B3GALT1: variants seen among roughly 807,000 people sequenced by gnomAD.
The protein encoded by B3GALT1 is beta-1,3-galactosyltransferase 1.
In B3GALT1, 10 loss-of-function variants were observed where a neutral mutation model predicts 23.2. The ratio of observed to expected loss-of-function variants is 0.43; its 90% CI spans 0.27 to 0.73. B3GALT1 has a LOEUF of 0.73. Among genes scored for constraint, B3GALT1 ranks in the 30% least tolerant of loss-of-function variants. B3GALT1 has a pLI of 0.21. For synonymous variants in B3GALT1, 156 were observed against 141.5 expected, an observed-to-expected ratio of 1.10 and a Z score of -0.73; for missense variants, 299 against 405.4, an observed-to-expected ratio of 0.74 and a Z score of 2.25.
In B3GALT1 at chr2:167,666,657, G is replaced by A. The variant is rs199752454; in HGVS notation, c.-352+19691G>A. 7.2e-5 allele frequency among the ~76,000 whole-genome samples: 11 copies of A among 152,152 alleles called. No homozygotes were observed. The East Asian group carries it at 9.6e-4, about 13-fold the overall frequency. On this transcript the variant is annotated intron_variant, in intron 3 of 4. Transcript: ENST00000392690. ...TCCTGTATTGGGTGCATATATATTT[G>A]GGATAGTTAGCTCTTCTTGTGGAAT...
chr2:167,400,166 C>CTGTGTGTG (rs149993955), intron 1 of B3GALT1, among the ~76,000 whole-genome samples: 14,150 of 145,656 alleles, frequency 0.097, 1,049 homozygotes, highest in African/African-American at 0.2. Context: ...ACATCTATGT[C>CTGTGTGTG]TGTGTGTGTG....
intron 1 of B3GALT1, among the ~76,000 whole-genome samples, chr2:167,316,191 C>G (rs1696715311): frequency 6.6e-6 from 1 of 150,604 alleles, no homozygotes; most frequent in African/African-American, 2.4e-5. Flanking sequence ...TTTTCTTTTT[C>G]CTTGGGAGGA....
chr2:167,598,765 G>A (rs550791027), intron 2 of B3GALT1, among the ~76,000 whole-genome samples: 5 of 152,152 alleles, frequency 3.3e-5, no homozygotes, highest in Admixed American at 1.3e-4. Context: ...ATATAATAGG[G>A]CTCTTTGCAA....
At chr2:167,837,665 C>T (rs1239530179) in intron 4 of B3GALT1, among the ~76,000 whole-genome samples, 96 of 149,776 alleles carry the variant, frequency 6.4e-4, no homozygotes, top group African/African-American at 2.2e-3. Flanking sequence ...CTCAGCTCTG[C>T]ACCAAGCGGA....
rs975731619 is a variant in B3GALT1 at position 167,852,804 on chromosome 2, A to G, written c.-229-16007A>G. Among the ~76,000 whole-genome samples, 4 of 152,222 alleles carry G rather than the reference A, an allele frequency of 2.6e-5. No homozygotes were observed. The East Asian group carries it at 7.7e-4, about 29-fold the overall frequency. On this transcript the variant is annotated intron_variant, in intron 4 of 4. Coordinates refer to ENST00000392690, the MANE Select transcript of B3GALT1 (RefSeq NM_020981.4). ...TATCTCAGCAAAGGACTCTTGTTGA[A>G]GCTAATACTGGATGACGAATTACTG... is the stretch of plus-strand genomic sequence containing the variant.
intron 3 of B3GALT1, among the ~76,000 whole-genome samples, chr2:167,711,698 C>G (rs1687050326): frequency 6.6e-6 from 1 of 152,118 alleles, no homozygotes; most frequent in African/African-American, 2.4e-5. Context: ...GGAGTGGTGA[C>G]TCATGCATGT....
At chr2:167,575,354 TTTGCTA>T (rs1398407822) in intron 2 of B3GALT1, among the ~76,000 whole-genome samples, 1 of 151,808 alleles carries the variant, frequency 6.6e-6, no homozygotes, top group African/African-American at 2.4e-5. Flanking sequence ...AGCCTACCAA[TTTGCTA>T]TAGAACTCTA....
chr2:167,762,577 A>G (rs1319433091), intron 3 of B3GALT1, among the ~76,000 whole-genome samples: 2 of 146,888 alleles, frequency 1.4e-5, no homozygotes, highest in African/African-American at 4.9e-5. Context: ...TCTGGACCAA[A>G]AATAAAAAAA....
At chr2:167,474,241 A>G (rs1211562012) in intron 1 of B3GALT1, among the ~76,000 whole-genome samples, 1 of 152,174 alleles carries the variant, frequency 6.6e-6, no homozygotes, top group East Asian at 1.9e-4. Flanking sequence ...CCACACTACC[A>G]GCTAATTGAC....
intron 3 of B3GALT1, among the ~76,000 whole-genome samples, chr2:167,776,905 T>G (rs1032215101): frequency 1.7e-4 from 26 of 152,256 alleles, no homozygotes; most frequent in African/African-American, 6.3e-4. Context: ...TTTAAAGTCT[T>G]ATTGGTTTTG....
At chr2:167,864,018 GTGTGTGTGTA>G (rs1690160185) in intron 4 of B3GALT1, among the ~76,000 whole-genome samples, 1 of 145,680 alleles carries the variant, frequency 6.9e-6, no homozygotes, top group Non-Finnish European at 1.5e-5. Flanking sequence ...GTGTGTGTGT[GTGTGTGTGTA>G]TGTTTCAGGT....
At chr2:167,752,326 A>G (rs146958506) in intron 3 of B3GALT1, among the ~76,000 whole-genome samples, 25 of 152,292 alleles carry the variant, frequency 1.6e-4, no homozygotes, top group African/African-American at 5.3e-4. Flanking sequence ...CATTGTTACA[A>G]TTTATGACAA....
chr2:167,635,336 G>A (rs913246573), intron 2 of B3GALT1, among the ~76,000 whole-genome samples: 1 of 152,044 alleles, frequency 6.6e-6, no homozygotes, highest in Non-Finnish European at 1.5e-5. Context: ...AACAGTATTG[G>A]AAGTTCTGGC....
intron 1 of B3GALT1, among the ~76,000 whole-genome samples, chr2:167,465,494 C>G (rs1215717965): frequency 6.6e-6 from 1 of 152,144 alleles, no homozygotes; most frequent in Non-Finnish European, 1.5e-5. Context: ...TGCTTTGTTG[C>G]TGTGTCCACA....
At chr2:167,721,336 T>C (rs1558959364) in intron 3 of B3GALT1, among the ~76,000 whole-genome samples, 1 of 152,192 alleles carries the variant, frequency 6.6e-6, no homozygotes, top group African/African-American at 2.4e-5. Flanking sequence ...TTGTGAGCAA[T>C]TGAAGCAGTG....
At chr2:167,531,246 G>T (rs917908979) in intron 2 of B3GALT1, among the ~76,000 whole-genome samples, 2 of 152,116 alleles carry the variant, frequency 1.3e-5, no homozygotes, top group Non-Finnish European at 2.9e-5. Flanking sequence ...GTCTGGTGAT[G>T]GGCATAAATC....
intron 2 of B3GALT1, among the ~76,000 whole-genome samples, chr2:167,569,741 A>T (rs995825256): frequency 6.6e-5 from 10 of 151,846 alleles, no homozygotes; most frequent in African/African-American, 1.7e-4. Context: ...CTTGTTTCTG[A>T]TCTTAGTAGG....
intron 3 of B3GALT1, among the ~76,000 whole-genome samples, chr2:167,694,232 T>G (rs1481329003): frequency 2.0e-5 from 3 of 152,160 alleles, no homozygotes; most frequent in Non-Finnish European, 2.9e-5. Flanking sequence ...GCAGGCATAA[T>G]TCTCAGAAAT....
intron 3 of B3GALT1, among the ~76,000 whole-genome samples, chr2:167,760,562 G>A (rs978707011): frequency 9.2e-5 from 14 of 152,300 alleles, no homozygotes; most frequent in African/African-American, 3.4e-4. Flanking sequence ...TAAAAATCAG[G>A]CCCAACAACA....
Sources: allele counts gnomAD v4.1 joint callset (sites outside exome capture counted in the v4.1 genomes callset), GRCh38; gene constraint gnomAD v4.1.1; transcripts MANE v1.5; gene names NCBI Gene and HGNC (gene_info 2026-07-23, HGNC 2026-07-21).